The following HS3ST5 variants were observed in gnomAD, a reference collection of about 807,000 sequenced individuals.
The protein encoded by HS3ST5 is heparan sulfate glucosamine 3-O-sulfotransferase 5.
A neutral mutation model predicts 25.4 loss-of-function variants in HS3ST5; 10 were observed. The ratio of observed to expected loss-of-function variants is 0.39; its 90% confidence interval spans 0.24 to 0.67. HS3ST5 has a LOEUF of 0.67. HS3ST5 is among the 30% of genes least tolerant of loss of function. The pLI is 0.44. For synonymous variants in HS3ST5, 170 were observed against 162.4 expected (o/e 1.05, Z -0.36); for missense variants, 324 against 420.7 (o/e 0.77, Z 2.01).
intron 1 of HS3ST5, among the ~76,000 whole-genome samples, chr6:114,333,732 G>A (rs1424256248): frequency 2.0e-5 from 3 of 151,702 alleles, no homozygotes; most frequent in South Asian, 4.2e-4. Context: ...TGCAAGCTCC[G>A]TCTCCCGGGT....
intron 1 of HS3ST5, among the ~76,000 whole-genome samples, chr6:114,289,538 G>A (rs780241478): frequency 2.0e-5 from 3 of 152,072 alleles, no homozygotes; most frequent in Non-Finnish European, 4.4e-5. Flanking sequence ...TTCTTCCAGC[G>A]TATCTGGGAG....
chr6:114,292,648 G>A (rs1774631855), intron 1 of HS3ST5, among the ~76,000 whole-genome samples: 1 of 152,200 alleles, frequency 6.6e-6, no homozygotes, highest in Non-Finnish European at 1.5e-5. Context: ...TATGAGAAAA[G>A]ATAGCCCTTC....
chr6:114,124,886 T>C (rs912119353), intron 3 of HS3ST5, among the ~76,000 whole-genome samples: 2 of 152,214 alleles, frequency 1.3e-5, no homozygotes, highest in African/African-American at 2.4e-5. Flanking sequence ...TTCTATAAAA[T>C]GAGCAGTAAG....
chr6:114,071,962 A>G (rs770646265), intron 3 of HS3ST5, among the ~76,000 whole-genome samples: 1 of 152,192 alleles, frequency 6.6e-6, no homozygotes, highest in Non-Finnish European at 1.5e-5. Context: ...GCCCTGTGAT[A>G]GAAGTGGGGC....
At chr6:114,253,264 A>G (rs183745114) in intron 1 of HS3ST5, among the ~76,000 whole-genome samples, 1 of 152,230 alleles carries the variant, frequency 6.6e-6, no homozygotes, top group Non-Finnish European at 1.5e-5. Context: ...TTATTTCAAC[A>G]TGTAATCATA....
At position 114,258,260 on chromosome 6, in the gene HS3ST5, C is replaced by T. The variant is rs181740797; in HGVS notation, c.-338-29482G>A. 1.9e-3 allele frequency among the ~76,000 whole-genome samples: 284 copies of T among 152,218 alleles called. 1 individual carries two copies. The highest frequency in any genetic ancestry group is 2.1e-3 in the Non-Finnish European group (144 of 68,022). The stretch of plus-strand genomic sequence containing the variant: ...AGCTGATCTGACTCTGTGGGGAGTG[C>T]GTGACGATTCCCTTCTTGTTTCAGG... On this transcript the variant is annotated intron_variant, in intron 1 of 4. Coordinates refer to ENST00000312719, the MANE Select transcript of HS3ST5 (RefSeq NM_153612.4).
intron 3 of HS3ST5, among the ~76,000 whole-genome samples, chr6:114,108,755 T>G (rs954942572): frequency 2.6e-5 from 4 of 152,212 alleles, no homozygotes; most frequent in African/African-American, 9.7e-5. Flanking sequence ...GTGATGGATA[T>G]GTTCATTATC....
chr6:114,222,309 T>C (rs1037441864), intron 2 of HS3ST5, among the ~76,000 whole-genome samples: 5 of 151,912 alleles, frequency 3.3e-5, no homozygotes, highest in Non-Finnish European at 5.9e-5. Flanking sequence ...AACAAGGCCA[T>C]GAAAATAGAG....
chr6:114,058,440 C>T (rs985605858), intron 4 of HS3ST5, among the ~76,000 whole-genome samples: 3 of 152,154 alleles, frequency 2.0e-5, no homozygotes, highest in East Asian at 1.9e-4. Flanking sequence ...TAATTGACTA[C>T]GGCGTGTACT....
chr6:114,332,736 C>T (rs1776454118), intron 1 of HS3ST5, among the ~76,000 whole-genome samples: 1 of 152,016 alleles, frequency 6.6e-6, no homozygotes, highest in Non-Finnish European at 1.5e-5. Flanking sequence ...ATAGCCCATC[C>T]TGGCTTGGGT....
chr6:114,069,047 AAATAAT>A (rs986170980), intron 3 of HS3ST5, among the ~76,000 whole-genome samples: 1 of 152,234 alleles, frequency 6.6e-6, no homozygotes, highest in African/African-American at 2.4e-5. Context: ...GGAGATTCAA[AAATAAT>A]AATAATAAAG....
At chr6:114,298,685 G>A (rs562149090) in intron 1 of HS3ST5, among the ~76,000 whole-genome samples, 34 of 152,360 alleles carry the variant, frequency 2.2e-4, no homozygotes, top group South Asian at 6.2e-4. Context: ...GAAGAAGAAC[G>A]TGGATTGTGA....
intron 1 of HS3ST5, among the ~76,000 whole-genome samples, chr6:114,241,148 T>G (rs1034720793): frequency 1.3e-5 from 2 of 151,136 alleles, no homozygotes; most frequent in African/African-American, 4.8e-5. Context: ...TTTTTTTTTT[T>G]TTTTTTACTA....
intron 2 of HS3ST5, among the ~76,000 whole-genome samples, chr6:114,215,174 C>T (rs1267717511): frequency 1.2e-4 from 18 of 151,838 alleles, no homozygotes; most frequent in African/African-American, 3.9e-4. Flanking sequence ...GGCGTCGTGG[C>T]GGGCCCCTGT....
chr6:114,257,717 T>C (rs1469734578), intron 1 of HS3ST5, among the ~76,000 whole-genome samples: 1 of 152,266 alleles, frequency 6.6e-6, no homozygotes, highest in South Asian at 2.1e-4. Flanking sequence ...ATGTCACGTA[T>C]ATTAGTTCTT....
intron 2 of HS3ST5, among the ~76,000 whole-genome samples, chr6:114,200,912 A>G (rs1332803531): frequency 6.6e-6 from 1 of 152,202 alleles, no homozygotes. Flanking sequence ...CTCCATAACC[A>G]GTACTATTTT....
intron 2 of HS3ST5, among the ~76,000 whole-genome samples, chr6:114,181,457 A>T (rs1487706398): frequency 1.3e-5 from 2 of 152,228 alleles, no homozygotes; most frequent in Non-Finnish European, 2.9e-5. Flanking sequence ...TGAACCACTA[A>T]GTTTACACAA....
At chr6:114,186,629 A>G (rs1780229972) in intron 2 of HS3ST5, among the ~76,000 whole-genome samples, 1 of 152,228 alleles carries the variant, frequency 6.6e-6, no homozygotes. Flanking sequence ...GTTGATATAG[A>G]GGCGGCAGCA....
At chr6:114,134,135 G>GT (rs1267404789) in intron 3 of HS3ST5, among the ~76,000 whole-genome samples, 1 of 152,128 alleles carries the variant, frequency 6.6e-6, no homozygotes, top group Non-Finnish European at 1.5e-5. Flanking sequence ...GGAGGGCAGG[G>GT]TAAGGACTTG....
Sources: allele counts gnomAD v4.1 joint callset (sites outside exome capture counted in the v4.1 genomes callset), GRCh38; gene constraint gnomAD v4.1.1; transcripts MANE v1.5; gene names NCBI Gene and HGNC (gene_info 2026-07-23, HGNC 2026-07-21).